Variants in RHAG observed in about 807,000 individuals in gnomAD.
RHAG encodes the protein Rh associated glycoprotein, also known as ammonium transporter Rh type A.
Under a neutral mutation model 42.4 loss-of-function variants are expected in RHAG, and 25 were observed. That is an observed-to-expected ratio of 0.59 (90% CI 0.43 to 0.82). RHAG has a LOEUF of 0.82. Ranked by LOEUF, RHAG falls within the 40% of genes least tolerant of loss-of-function variation. The pLI, the probability that RHAG is intolerant of heterozygous loss-of-function variation, is 0.00. For missense variants in RHAG, 483 were observed against 504.6 expected (o/e 0.96, Z 0.41); for synonymous variants, 182 against 177.7 (o/e 1.02, Z -0.19).
intron 1 of RHAG, among the ~76,000 whole-genome samples, chr6:49,628,739 G>A (rs1371860548): frequency 6.6e-6 from 1 of 151,248 alleles, no homozygotes; most frequent in Non-Finnish European, 1.5e-5. Context: ...AGCTCTTAAG[G>A]TGGCGCGTCT....
In RHAG at chr6:49,620,097, T is replaced by C. The variant is rs137992188; in HGVS notation, c.158-735A>G. On this transcript the variant is annotated intron_variant, in intron 1 of 9. Transcript: ENST00000371175. ...GAAGCATTAATAAACATAAAGGCTG[T>C]ATCCTCTTGAGTAACAAATATTCAA... Among the ~76,000 whole-genome samples the C allele has an allele frequency of 2.4e-3, 371 of 152,336 alleles. 1 individual carries two copies. The highest frequency in any genetic ancestry group is 8.6e-3 in the African/African-American group (357 of 41,570).
At chr6:49,614,543 G>A (rs1254458599) in intron 5 of RHAG, 144 bp downstream of exon 5, 1 of 811,836 alleles carries the variant, frequency 1.2e-6, no homozygotes, top group Non-Finnish European at 2.2e-6. Flanking sequence ...ATGAATAAAT[G>A]TTGTTGTTTT....
chr6:49,608,868 T>C (rs1273453339), intron 7 of RHAG, among the ~76,000 whole-genome samples: 3 of 152,308 alleles, frequency 2.0e-5, no homozygotes, highest in East Asian at 1.9e-4. Flanking sequence ...ATTTTATATA[T>C]ACTTATTTGA....
chr6:49,607,069 C>T (rs1259381889), intron 8 of RHAG, 81 bp downstream of exon 8: 8 of 1,335,724 alleles, frequency 6.0e-6, no homozygotes, highest in Non-Finnish European at 8.6e-6. Context: ...TTGAATTTAG[C>T]AATTGACTTG....
Position 49,615,855 on chromosome 6 carries a change from G to T in RHAG, c.493-84C>A, listed in dbSNP as rs1252319885. 5 of 1,399,952 alleles carry T rather than the reference G, an allele frequency of 3.6e-6. No homozygotes were observed. The East Asian group carries it at 6.9e-5, about 19-fold the overall frequency. The allele number at this position is 1,399,952 out of a possible 1,614,324, so 86.7% of individuals were successfully genotyped here. ...GGAAAGTCAATGAAAGAATTGCATT[G>T]TTGGTTAAACAACTTAAAAAAATTA... On this transcript the variant is annotated intron_variant, in intron 3 of 9. Transcript: ENST00000371175.
At chr6:49,622,786 A>G (rs1393998318) in intron 1 of RHAG, among the ~76,000 whole-genome samples, 1 of 150,628 alleles carries the variant, frequency 6.6e-6, no homozygotes, top group Non-Finnish European at 1.5e-5. Context: ...TGGAACAATT[A>G]TTCTGCAGAT....
At chr6:49,633,801 A>T (rs1402148881) in intron 1 of RHAG, among the ~76,000 whole-genome samples, 1 of 152,090 alleles carries the variant, frequency 6.6e-6, no homozygotes, top group East Asian at 1.9e-4. Context: ...AAATGCATTT[A>T]TGTCTCTAAT....
intron 1 of RHAG, among the ~76,000 whole-genome samples, chr6:49,624,846 C>G (rs1762818602): frequency 6.6e-6 from 1 of 152,124 alleles, no homozygotes; most frequent in South Asian, 2.1e-4. Flanking sequence ...TCAGGGAGAC[C>G]ACAATATTTA....
Position 49,618,120 on chromosome 6 carries a change from A to G in RHAG, c.440T>C (p.Leu147Ser), listed in dbSNP as rs1762684661. The change falls in exon 3 of 10, where the codon TTA becomes TCA. Residue 147 changes from leucine to serine, a missense_variant. Leu to Ser is a moderately radical substitution (Grantham distance 145). Transcript: ENST00000371175. ...ATTGTGGGCAAAGAAAACAATTTCT[A>G]AAATTGTCATGATCAGCATTTGGGT... ...SPTQMLIMTI[L>S]EIVFFAHNEY... 1.2e-6 allele frequency: 2 copies of G among 1,613,780 alleles called. No individual in the cohort carries two copies. The highest frequency in any genetic ancestry group is 1.7e-5 in the Admixed American group (1 of 59,996).
intron 1 of RHAG, among the ~76,000 whole-genome samples, chr6:49,630,569 G>A (rs892775033): frequency 1.3e-5 from 2 of 152,114 alleles, no homozygotes; most frequent in Non-Finnish European, 2.9e-5. Context: ...AGTATCCTTA[G>A]GGCAGTATCT....
chr6:49,609,655 A>G (rs1331270028), intron 7 of RHAG, among the ~76,000 whole-genome samples: 1 of 152,274 alleles, frequency 6.6e-6, no homozygotes, highest in East Asian at 1.9e-4. Context: ...AACTGTACAC[A>G]TGAAGAAGGA....
chr6:49,616,222 G>A (rs1387484842), intron 3 of RHAG, among the ~76,000 whole-genome samples: 1 of 151,970 alleles, frequency 6.6e-6, no homozygotes, highest in Non-Finnish European at 1.5e-5. Context: ...GGTGGTGCAC[G>A]CCTTGTAGTC....
At chr6:49,615,209 C>T in intron 4 of RHAG, 1 of 295,962 alleles carries the variant, frequency 3.4e-6, no homozygotes, top group Non-Finnish European at 6.5e-6. Flanking sequence ...CTCGGCCTCC[C>T]AAAGTGCTGG....
At chr6:49,606,723 A>C (rs1762474793) in intron 9 of RHAG, 125 bp downstream of exon 9, 2 of 744,666 alleles carry the variant, frequency 2.7e-6, no homozygotes, top group Non-Finnish European at 4.8e-6. Flanking sequence ...TGTGTGAGCT[A>C]CCTACCATGC....
In RHAG at chr6:49,615,532, T is replaced by C. The variant is rs1581940777; in HGVS notation, c.640+92A>G. 6 of 1,431,086 alleles carry C rather than the reference T, an allele frequency of 4.2e-6. No individual in the cohort carries two copies. In the South Asian group the frequency reaches 4.6e-5, roughly 11 times the overall value. The allele number at this position is 1,431,086 out of a possible 1,614,324, so 88.6% of individuals were successfully genotyped here. ...TTCACTACCATGCCTGGCTTGGATG[T>C]TCTTTTTGAGCATCTCACACCCTTG... On this transcript the variant is annotated intron_variant, in intron 4 of 9. Coordinates refer to ENST00000371175, the MANE Select transcript of RHAG (RefSeq NM_000324.3).
At chr6:49,609,081 G>T (rs1016739452) in intron 7 of RHAG, among the ~76,000 whole-genome samples, 3 of 152,104 alleles carry the variant, frequency 2.0e-5, no homozygotes, top group African/African-American at 7.2e-5. Context: ...ACTTTCCCTT[G>T]TTCTATGCTT....
intron 1 of RHAG, among the ~76,000 whole-genome samples, chr6:49,635,602 A>AAAGACAGCT (rs1762998850): frequency 6.6e-6 from 1 of 152,102 alleles, no homozygotes; most frequent in Non-Finnish European, 1.5e-5. Flanking sequence ...TATGCAGTGT[A>AAAGACAGCT]AAGACAGCTA....
chr6:49,630,054 G>A (rs1762911471), intron 1 of RHAG, among the ~76,000 whole-genome samples: 1 of 152,222 alleles, frequency 6.6e-6, no homozygotes, highest in Non-Finnish European at 1.5e-5. Flanking sequence ...AGCCTAGGCA[G>A]AGGAGGCGCC....
At chr6:49,607,328 A>T (rs867010297) in intron 7 of RHAG, 108 bp from the exon 8 acceptor site, 1 of 789,398 alleles carries the variant, frequency 1.3e-6, no homozygotes, top group African/African-American at 1.7e-5. Flanking sequence ...AGAGTGTAAC[A>T]TTACACAGCA....
Sources: allele counts gnomAD v4.1 joint callset (sites outside exome capture counted in the v4.1 genomes callset), GRCh38; gene constraint gnomAD v4.1.1; transcripts MANE v1.5; gene names NCBI Gene and HGNC (gene_info 2026-07-23, HGNC 2026-07-21).